TMEM45A: variants seen among roughly 807,000 people sequenced by gnomAD.
TMEM45A encodes transmembrane protein 45A, also known as DNA polymerase-transactivated protein 4.
In TMEM45A, 25 loss-of-function variants were observed where a neutral mutation model predicts 32.0. The observed-to-expected ratio is 0.78, with a 90% CI of 0.57 to 1.09. The LOEUF (loss-of-function observed/expected upper bound fraction) is 1.09. Among genes scored for constraint, TMEM45A ranks in the 50% least tolerant of loss-of-function variants. The pLI, the probability that TMEM45A is intolerant of heterozygous loss-of-function variation, is 0.00. For synonymous variants in TMEM45A, 122 were observed against 114.8 expected, an observed-to-expected ratio of 1.06 and a Z score of -0.40; for missense variants, 302 against 325.0, an observed-to-expected ratio of 0.93 and a Z score of 0.54.
intron 1 of TMEM45A, among the ~76,000 whole-genome samples, chr3:100,515,715 C>T (rs967441657): frequency 6.6e-6 from 1 of 151,662 alleles, no homozygotes; most frequent in Admixed American, 6.6e-5. Flanking sequence ...AACTGCAGGT[C>T]ATTATGTTAA....
chr3:100,499,250 T>C (rs1178550859), intron 1 of TMEM45A, among the ~76,000 whole-genome samples: 1 of 152,232 alleles, frequency 6.6e-6, no homozygotes, highest in African/African-American at 2.4e-5. Context: ...TGGTGTCATA[T>C]CTAAGATATG....
chr3:100,543,584 CT>C (rs1455557548), intron 1 of TMEM45A, among the ~76,000 whole-genome samples: 3 of 152,018 alleles, frequency 2.0e-5, no homozygotes, highest in African/African-American at 7.2e-5. Context: ...GTTTTCTTTG[CT>C]TTTAGTGAAT....
intron 1 of TMEM45A, among the ~76,000 whole-genome samples, chr3:100,498,568 T>C (rs897336802): frequency 2.0e-5 from 3 of 152,054 alleles, no homozygotes; most frequent in African/African-American, 7.2e-5. Flanking sequence ...AATCTGTCCA[T>C]GTATGTGTGT....
chr3:100,571,556 C>G (rs1293714945), intron 5 of TMEM45A: 1 of 152,004 alleles, frequency 6.6e-6, no homozygotes, highest in Admixed American at 6.6e-5. Context: ...TCTTAGAAAA[C>G]AAGAATGAAG....
intron 1 of TMEM45A, among the ~76,000 whole-genome samples, chr3:100,513,958 T>C (rs1424305484): frequency 6.6e-6 from 1 of 152,006 alleles, no homozygotes. Context: ...TACAAACCAC[T>C]GCTCAAGGAA....
Position 100,575,363 on chromosome 3 carries a change from C to CTTTTTTTTTTTTTTTTTTT in TMEM45A, c.735-1553_735-1535dup, listed in dbSNP as rs59739893. Reference sequence around the variant, plus strand: ...TGCTTCCCCCAGGCCTATGGATTCTCTTTTTTTTTTTTTTTTTTTTTTTTT... The same window carrying CTTTTTTTTTTTTTTTTTTT: ...TGCTTCCCCCAGGCCTATGGATTCTCTTTTTTTTTTTTTTTTTTTTTTTTTTTTTTTTTTTTTTTTTTTT... On this transcript the variant is annotated intron_variant, in intron 5 of 5. Transcript: ENST00000323523. Among the ~76,000 whole-genome samples the CTTTTTTTTTTTTTTTTTTT allele has an allele frequency of 6.4e-5, 4 of 62,762 alleles. 1 individual carries two copies. The highest frequency in any genetic ancestry group is 2.2e-4 in the Admixed American group (1 of 4,590). 41.2% of individuals were successfully genotyped at this position (62,762 alleles called of 152,430 possible).
At chr3:100,511,734 A>T (rs554176199) in intron 1 of TMEM45A, among the ~76,000 whole-genome samples, 206 of 151,974 alleles carry the variant, frequency 1.4e-3, no homozygotes, top group Non-Finnish European at 2.4e-3. Flanking sequence ...AACCCATCTC[A>T]TGTGCAGAGA....
intron 1 of TMEM45A, among the ~76,000 whole-genome samples, chr3:100,499,992 G>A (rs1275918403): frequency 1.3e-5 from 2 of 152,020 alleles, no homozygotes; most frequent in Non-Finnish European, 2.9e-5. Context: ...TTACCTTTTT[G>A]TGGTGTTTAG....
intron 1 of TMEM45A, among the ~76,000 whole-genome samples, chr3:100,500,431 T>G (rs1707993145): frequency 6.6e-6 from 1 of 151,588 alleles, no homozygotes; most frequent in Non-Finnish European, 1.5e-5. Context: ...AATGTTCTTT[T>G]TCTATAACAC....
At chr3:100,518,723 A>G (rs1705351059) in intron 1 of TMEM45A, among the ~76,000 whole-genome samples, 1 of 152,192 alleles carries the variant, frequency 6.6e-6, no homozygotes, top group African/African-American at 2.4e-5. Context: ...AGGGGTGCAG[A>G]CTGGAGTGTT....
In TMEM45A at chr3:100,576,994, A is replaced by G. The variant is rs768732310; in HGVS notation, c.804A>G (p.Glu268=). 17 of 1,613,330 alleles carry G rather than the reference A, an allele frequency of 1.1e-5. No individual in the cohort carries two copies. The highest frequency in any genetic ancestry group is 2.2e-5 in the East Asian group (1 of 44,844). The part of the protein sequence containing the change: ...EVGLLKNAER[E]QESEEEM The stretch of plus-strand genomic sequence containing the variant: ...GACTTCTGAAAAATGCTGAACGAGA[A>G]CAAGAATCAGAAGAAGAAATGTGAC... The change falls in exon 6 of 6, where the codon GAA becomes GAG. Residue 268 remains glutamate (E), a synonymous_variant. Coordinates refer to ENST00000323523, the MANE Select transcript of TMEM45A (RefSeq NM_018004.3).
At position 100,555,173 on chromosome 3, in the gene TMEM45A, A is replaced by G. The variant is rs1228800809; in HGVS notation, c.-3-36A>G. The G allele has an allele frequency of 2.6e-6, 4 of 1,546,502 alleles. No individual in the cohort carries two copies. The South Asian group carries it at 4.9e-5, about 19-fold the overall frequency. ...GTTTTGTCCAGATTCTGGCAATGAA[A>G]TGTCTTTTACTTTCTGTGTGTTCTT... On this transcript the variant is annotated intron_variant, in intron 1 of 5. Coordinates refer to ENST00000323523, the MANE Select transcript of TMEM45A (RefSeq NM_018004.3).
intron 1 of TMEM45A, among the ~76,000 whole-genome samples, chr3:100,547,698 A>G (rs1023437336): frequency 6.6e-6 from 1 of 152,086 alleles, no homozygotes; most frequent in African/African-American, 2.4e-5. Context: ...TTCATGGGTC[A>G]ACTGTATTTC....
At chr3:100,508,498 G>A (rs1459047101) in intron 1 of TMEM45A, among the ~76,000 whole-genome samples, 2 of 152,066 alleles carry the variant, frequency 1.3e-5, no homozygotes, top group Admixed American at 6.6e-5. Flanking sequence ...GACCTAAATA[G>A]CCAAATCAAT....
At chr3:100,514,268 C>G (rs1265530370) in intron 1 of TMEM45A, among the ~76,000 whole-genome samples, 1 of 151,992 alleles carries the variant, frequency 6.6e-6, no homozygotes, top group African/African-American at 2.4e-5. Flanking sequence ...GTACCGGTAC[C>G]AAAACAGAGA....
chr3:100,547,490 T>TA (rs1299503969), intron 1 of TMEM45A, among the ~76,000 whole-genome samples: 1 of 152,106 alleles, frequency 6.6e-6, no homozygotes, highest in Admixed American at 6.5e-5. Context: ...ATAAGGAAGA[T>TA]AAAATATATT....
At chr3:100,537,721 G>C (rs765118527) in intron 1 of TMEM45A, among the ~76,000 whole-genome samples, 2 of 152,236 alleles carry the variant, frequency 1.3e-5, no homozygotes, top group Non-Finnish European at 2.9e-5. Context: ...TGGCCCAGGA[G>C]ATAGCCAAAC....
At chr3:100,534,571 G>A (rs748964036) in intron 1 of TMEM45A, among the ~76,000 whole-genome samples, 155 of 152,328 alleles carry the variant, frequency 1.0e-3, no homozygotes, top group Admixed American at 2.3e-3. Context: ...CTGCAGCCCC[G>A]AGAGGGAACG....
At chr3:100,503,064 T>C (rs890528405) in intron 1 of TMEM45A, among the ~76,000 whole-genome samples, 4 of 150,688 alleles carry the variant, frequency 2.7e-5, no homozygotes, top group East Asian at 1.9e-4. Flanking sequence ...CTCTCTTTCT[T>C]CTCCTCCTCC....
Sources: gnomAD v4.1 joint callset for allele counts (sites outside exome capture counted in the v4.1 genomes callset) on GRCh38, gnomAD v4.1.1 for gene constraint, MANE v1.5 for transcripts, NCBI Gene and HGNC (gene_info 2026-07-23, HGNC 2026-07-21) for gene names.